JARID2: variants seen among roughly 807,000 people sequenced by gnomAD.
JARID2 encodes protein Jumonji.
In JARID2, 21 loss-of-function variants were observed where a neutral mutation model predicts 125.6. The observed-to-expected ratio is 0.17, with a 90% confidence interval of 0.12 to 0.24. The LOEUF (loss-of-function observed/expected upper bound fraction) is 0.24. Among genes scored for constraint, JARID2 ranks in the 10% least tolerant of loss-of-function variants. The probability of loss-of-function intolerance (pLI) is 1.00; values close to 1 mark genes in which losing one functional copy is unlikely to be tolerated. For missense variants in JARID2, 1,303 were observed against 1,639.6 expected, an observed-to-expected ratio of 0.79 and a Z score of 3.55; for synonymous variants, 736 against 661.6, an observed-to-expected ratio of 1.11 and a Z score of -1.73.
At chr6:15,392,126 G>C (rs1013118491) in intron 2 of JARID2, among the ~76,000 whole-genome samples, 5 of 151,684 alleles carry the variant, frequency 3.3e-5, no homozygotes, top group Non-Finnish European at 7.4e-5. Context: ...CTAGGTTTTA[G>C]TGCCACTTTG....
intron 3 of JARID2, among the ~76,000 whole-genome samples, chr6:15,450,739 G>A (rs1397644481): frequency 6.6e-6 from 1 of 152,206 alleles, no homozygotes; most frequent in African/African-American, 2.4e-5. Context: ...AGAGGAGGAG[G>A]GACTATTAGG....
At chr6:15,423,971 G>T (rs1766612814) in intron 3 of JARID2, among the ~76,000 whole-genome samples, 1 of 151,954 alleles carries the variant, frequency 6.6e-6, no homozygotes, top group Non-Finnish European at 1.5e-5. Context: ...TTAACCTCTG[G>T]TCCCTTTCTC....
At chr6:15,488,524 G>T (rs1769992885) in intron 6 of JARID2, among the ~76,000 whole-genome samples, 2 of 152,242 alleles carry the variant, frequency 1.3e-5, no homozygotes, top group African/African-American at 4.8e-5. Context: ...GGAAGTTGTA[G>T]AGGGGACGGA....
At chr6:15,318,222 A>G (rs1383607744) in intron 1 of JARID2, among the ~76,000 whole-genome samples, 1 of 152,162 alleles carries the variant, frequency 6.6e-6, no homozygotes, top group African/African-American at 2.4e-5. Flanking sequence ...CAAAAAAAAA[A>G]AGATTAAACA....
intron 3 of JARID2, among the ~76,000 whole-genome samples, chr6:15,428,985 T>G (rs1766856039): frequency 1.3e-5 from 2 of 148,454 alleles, no homozygotes; most frequent in Non-Finnish European, 3.0e-5. Flanking sequence ...TTAATTGTCT[T>G]GATAGCTCCA....
chr6:15,459,662 A>G (rs899016415), intron 4 of JARID2, among the ~76,000 whole-genome samples: 1 of 152,244 alleles, frequency 6.6e-6, no homozygotes, highest in Non-Finnish European at 1.5e-5. Flanking sequence ...GGCCACAGGT[A>G]ATAGAAGAGA....
rs184800385 is a variant in JARID2 at position 15,277,458 on chromosome 6, C to A, written c.45+30874C>A. Reference sequence around the variant, plus strand: ...TTCTGATTTTAATAATGGCATGATACCCCTGTACCCCAAGTTATACAGATG... The same window carrying A: ...TTCTGATTTTAATAATGGCATGATAACCCTGTACCCCAAGTTATACAGATG... On this transcript the variant is annotated intron_variant, in intron 1 of 17. Transcript: ENST00000341776. Among the ~76,000 whole-genome samples, 331 of 152,180 alleles carry A rather than the reference C, an allele frequency of 2.2e-3. 2 individuals are homozygous for A. The highest frequency in any genetic ancestry group is 7.8e-3 in the African/African-American group (323 of 41,514).
At position 15,507,363 on chromosome 6, in the gene JARID2, C is replaced by G. The variant is rs1281939254; in HGVS notation, c.2678C>G (p.Thr893Ser). 1 of 1,613,934 alleles carries G rather than the reference C, an allele frequency of 6.2e-7. No individual in the cohort carries two copies. Among genetic ancestry groups the G allele is most frequent in the Non-Finnish European group, 8.5e-7 (1 of 1,179,966 alleles). ...CTTTGCAGGCATGGATGGAACCTCA[C>G]CGTCCTCCCCAATAACACAGGGTCC... Reference protein sequence around the residue: ...EPFSRHGWNLTVLPNNTGSIL... With the variant: ...EPFSRHGWNLSVLPNNTGSIL... Residue 893 changes from threonine (T) to serine (S), a missense_variant, in exon 11 of 18, where the codon ACC becomes AGC. Thr to Ser is a moderately conservative substitution (Grantham distance 58, BLOSUM62 1). Transcript: ENST00000341776.
At chr6:15,417,795 G>C (rs541965288) in intron 3 of JARID2, among the ~76,000 whole-genome samples, 1 of 152,156 alleles carries the variant, frequency 6.6e-6, no homozygotes, top group Non-Finnish European at 1.5e-5. Flanking sequence ...TGTATAAATG[G>C]TACTCTGTAT....
chr6:15,336,422 A>G (rs1398822979), intron 1 of JARID2, among the ~76,000 whole-genome samples: 1 of 152,270 alleles, frequency 6.6e-6, no homozygotes, highest in African/African-American at 2.4e-5. Flanking sequence ...CTCAAAAAGT[A>G]ATGCTTGCTA....
At chr6:15,367,786 C>T (rs1464287895) in intron 1 of JARID2, among the ~76,000 whole-genome samples, 2 of 152,240 alleles carry the variant, frequency 1.3e-5, no homozygotes, top group Non-Finnish European at 2.9e-5. Flanking sequence ...GCTGAGCTCA[C>T]TGCCCAACTC....
chr6:15,297,339 G>A (rs943717316), intron 1 of JARID2, among the ~76,000 whole-genome samples: 1 of 151,668 alleles, frequency 6.6e-6, no homozygotes, highest in East Asian at 1.9e-4. Flanking sequence ...TAGTAGAGAC[G>A]GGGTTTTATC....
chr6:15,284,150 T>A (rs1211875290), intron 1 of JARID2, among the ~76,000 whole-genome samples: 1 of 152,124 alleles, frequency 6.6e-6, no homozygotes, highest in African/African-American at 2.4e-5. Context: ...TTCTGAGAAA[T>A]TATCTTTCTT....
At chr6:15,461,768 A>G (rs1561878296) in intron 4 of JARID2, among the ~76,000 whole-genome samples, 1 of 152,202 alleles carries the variant, frequency 6.6e-6, no homozygotes, top group Non-Finnish European at 1.5e-5. Flanking sequence ...TGAAGACATT[A>G]TGCTCTGTAT....
chr6:15,248,812 G>C, intron 1 of JARID2: 1 of 664,802 alleles, frequency 1.5e-6, no homozygotes, highest in East Asian at 1.4e-4. Flanking sequence ...AAGTCGGGCG[G>C]GAGGCTCCAG....
intron 5 of JARID2, among the ~76,000 whole-genome samples, chr6:15,486,460 G>A (rs1447467021): frequency 6.6e-6 from 1 of 152,224 alleles, no homozygotes; most frequent in Non-Finnish European, 1.5e-5. Context: ...GAGGCAGGCT[G>A]ACTTCATGTG....
chr6:15,496,184 C>A lies in JARID2; in HGVS notation c.959C>A (p.Thr320Asn), dbSNP rs866661986. The change falls in exon 7 of 18, where the codon ACC (threonine) becomes AAC (asparagine). Residue 320 changes from threonine (T) to asparagine (N), a missense_variant. Coordinates refer to ENST00000341776, the MANE Select transcript of JARID2 (RefSeq NM_004973.4). The stretch of plus-strand genomic sequence containing the variant: ...ATGTCATCTCTGGGTGCAGGTGTAA[C>A]CAGTGCCAAAAAGATGCGCGAGGTC... ...TRMSSLGAGV[T>N]SAKKMREVRP... 2 of 1,613,954 alleles carry A rather than the reference C, an allele frequency of 1.2e-6. No homozygotes were observed. Among genetic ancestry groups the A allele is most frequent in the African/African-American group, 2.7e-5 (2 of 74,870 alleles).
chr6:15,353,144 G>A (rs1164695805), intron 1 of JARID2, among the ~76,000 whole-genome samples: 2 of 152,138 alleles, frequency 1.3e-5, no homozygotes, highest in South Asian at 2.1e-4. Flanking sequence ...CAGAGCCACC[G>A]TATCATTTTA....
chr6:15,509,183 C>T (rs955410099), intron 12 of JARID2: 28 of 1,273,196 alleles, frequency 2.2e-5, no homozygotes, highest in Non-Finnish European at 2.7e-5. Context: ...TCTCACTGCA[C>T]CCATCCCTGA....
Sources: allele counts gnomAD v4.1 joint callset (sites outside exome capture counted in the v4.1 genomes callset), GRCh38; gene constraint gnomAD v4.1.1; transcripts MANE v1.5; gene names NCBI Gene and HGNC (gene_info 2026-07-23, HGNC 2026-07-21).